The following AKT2 variants were observed in gnomAD, a reference collection of about 807,000 sequenced individuals.
The protein encoded by AKT2 is RAC-beta serine/threonine-protein kinase.
In AKT2, 16 loss-of-function variants were observed where a neutral mutation model predicts 58.6. That is an observed-to-expected ratio of 0.27 (90% confidence interval 0.18 to 0.41). The LOEUF (loss-of-function observed/expected upper bound fraction) is 0.41, where lower values mean the gene tolerates loss of function less well. AKT2 is among the 10% of genes least tolerant of loss of function. The pLI is 1.00. For missense variants in AKT2, 438 were observed against 661.0 expected (o/e 0.66, Z 3.70); for synonymous variants, 253 against 254.0 (o/e 1.00, Z 0.04).
chr19:40,238,760 G>T lies in AKT2; in HGVS notation c.708+145C>A. The T allele has an allele frequency of 2.3e-6, 2 of 862,748 alleles. No individual in the cohort carries two copies. Among genetic ancestry groups the T allele is most frequent in the Non-Finnish European group, 1.9e-6 (1 of 530,432 alleles). The allele number at this position is 862,748 out of a possible 1,614,324, so 53.4% of individuals were successfully genotyped here. A position where few individuals can be genotyped will look rare whatever the true frequency, so the allele number is the denominator to read the frequency against. On this transcript the variant is annotated intron_variant, in intron 8 of 13. Transcript: ENST00000392038. The surrounding 1 kb of genome is among the most constrained non-coding windows in gnomAD (Gnocchi z 5.1). ...GTGACTGCCCCCCCAAAATGGAGAC[G>T]AAGCCGCCTGCCTCAAGGGAGAGGG...
chr19:40,252,742 T>C (rs944458465), intron 4 of AKT2, among the ~76,000 whole-genome samples: 5 of 152,198 alleles, frequency 3.3e-5, no homozygotes, highest in African/African-American at 1.2e-4. Flanking sequence ...CTATTTCACC[T>C]CCAGGTCTTT....
intron 2 of AKT2, among the ~76,000 whole-genome samples, chr19:40,258,256 A>C (rs990609741): frequency 4.3e-4 from 65 of 151,038 alleles, no homozygotes; most frequent in African/African-American, 1.1e-3. Context: ...AAAAAAAAAA[A>C]AAAAAAACAA....
In AKT2 at chr19:40,242,355, C is replaced by G; in HGVS notation, c.441+179G>C. Reference sequence around the variant, plus strand: ...GGGTCCACCCAAGGTTGCTCCCTCCCCTACGGGCATGGAGCACACCCTAGG... The same window carrying G: ...GGGTCCACCCAAGGTTGCTCCCTCCGCTACGGGCATGGAGCACACCCTAGG... On this transcript the variant is annotated intron_variant, in intron 5 of 13. Transcript: ENST00000392038. The surrounding 1 kb of genome is among the most constrained non-coding windows in gnomAD (Gnocchi z 4.3). 1 of 1,062,292 alleles carries G rather than the reference C, an allele frequency of 9.4e-7. No homozygotes were observed. Among genetic ancestry groups the G allele is most frequent in the Non-Finnish European group, 1.4e-6 (1 of 709,034 alleles). 65.8% of individuals were successfully genotyped at this position (1,062,292 alleles called of 1,614,324 possible).
At chr19:40,284,149 A>C (rs1263805486) in intron 1 of AKT2, among the ~76,000 whole-genome samples, 1 of 152,098 alleles carries the variant, frequency 6.6e-6, no homozygotes, top group Non-Finnish European at 1.5e-5. Context: ...GAGGTCTCCA[A>C]ATGAGAGGAA....
intron 3 of AKT2, 40 bp from the exon 4 acceptor site, chr19:40,255,309 T>C (rs1166142246): frequency 3.3e-6 from 5 of 1,529,538 alleles, no homozygotes; most frequent in Non-Finnish European, 4.5e-6. Context: ...GCTGAGGGGA[T>C]AGCCCTGCTA....
chr19:40,234,545 C>A lies in AKT2; in HGVS notation c.1366+500G>T. ...TTCCTCCGGCCAGCTGACACGTTTGCTTCCTCCTCTAGAAAGCCCTCCCTA... is the reference window on the plus strand; with the variant it reads ...TTCCTCCGGCCAGCTGACACGTTTGATTCCTCCTCTAGAAAGCCCTCCCTA... On this transcript the variant is annotated intron_variant, in intron 13 of 13. Transcript: ENST00000392038. The surrounding 1 kb of genome is among the most constrained non-coding windows in gnomAD (Gnocchi z 4.7). 1 of 327,394 alleles carries A rather than the reference C, an allele frequency of 3.1e-6. No homozygotes were observed. Among genetic ancestry groups the A allele is most frequent in the Non-Finnish European group, 5.6e-6 (1 of 178,360 alleles). The allele number at this position is 327,394 out of a possible 1,614,324, so 20.3% of individuals were successfully genotyped here.
chr19:40,248,422 T>C (rs1035543555), intron 4 of AKT2, among the ~76,000 whole-genome samples: 3 of 152,142 alleles, frequency 2.0e-5, no homozygotes, highest in African/African-American at 7.2e-5. Flanking sequence ...GACAAGTGTG[T>C]AGAAGCTCCA....
Position 40,234,131 on chromosome 19 carries a change from G to A in AKT2, c.1367-180C>T, listed in dbSNP as rs891953185. ...GACCCACTCCCCAAACCTGAGCCCC[G>A]GGCGGCCTCCTCTGGGAGTTTCCTG... is the stretch of plus-strand genomic sequence containing the variant. On this transcript the variant is annotated intron_variant, in intron 13 of 13. Coordinates refer to ENST00000392038, the MANE Select transcript of AKT2 (RefSeq NM_001626.6). The surrounding 1 kb of genome is among the most constrained non-coding windows in gnomAD (Gnocchi z 4.7). 4.6e-5 allele frequency among the ~76,000 whole-genome samples: 7 copies of A among 152,132 alleles called. No homozygotes were observed. Among genetic ancestry groups the A allele is most frequent in the Non-Finnish European group, 7.4e-5 (5 of 67,986 alleles).
At chr19:40,264,580 C>A (rs1976201726) in intron 2 of AKT2, among the ~76,000 whole-genome samples, 1 of 152,140 alleles carries the variant, frequency 6.6e-6, no homozygotes, top group African/African-American at 2.4e-5. Context: ...CAGAAAACAC[C>A]AGGCACATCC....
intron 9 of AKT2, chr19:40,236,588 T>C (rs1974044648): frequency 1.5e-6 from 1 of 653,262 alleles, no homozygotes; most frequent in South Asian, 1.8e-5. Context: ...ACCCCCATGG[T>C]ACCTGGGAAC....
At chr19:40,239,525 T>G (rs1260195566) in intron 7 of AKT2, 2 of 324,652 alleles carry the variant, frequency 6.2e-6, no homozygotes, top group Non-Finnish European at 1.2e-5. Flanking sequence ...GTACTGTGGC[T>G]TAATAGGATA....
At position 40,240,126 on chromosome 19, in the gene AKT2, G is replaced by C. The variant is rs536203851; in HGVS notation, c.574-16C>G. On this transcript the variant is annotated splice_polypyrimidine_tract_variant and intron_variant, in intron 6 of 13. Transcript: ENST00000392038. ...CGACTTCATCCTGCAGACAGACTGC[G>C]GGTGAGGGGCTGGTGGGCAACACCA... 72 of 1,613,650 alleles carry C rather than the reference G, an allele frequency of 4.5e-5. No individual in the cohort carries two copies. The highest frequency in any genetic ancestry group is 1.7e-4 in the Admixed American group (10 of 60,000).
In AKT2 at chr19:40,233,512, G is replaced by A. The variant is rs956251726; in HGVS notation, c.*360C>T. On this transcript the variant is annotated 3_prime_UTR_variant, in exon 14 of 14. Coordinates refer to ENST00000392038, the MANE Select transcript of AKT2 (RefSeq NM_001626.6). The surrounding 1 kb of genome is among the most constrained non-coding windows in gnomAD (Gnocchi z 4.3). ...TTCGTCCAGATGCAGCAGCGCGGAG[G>A]CAGACACCAGCACGACACCCAGGCC... 9.8e-6 allele frequency: 6 copies of A among 612,264 alleles called. No individual in the cohort carries two copies. In the Admixed American group the frequency reaches 1.1e-4, roughly 12 times the overall value. 37.9% of individuals were successfully genotyped at this position (612,264 alleles called of 1,614,324 possible). A position where few individuals can be genotyped will look rare whatever the true frequency, so the allele number is the denominator to read the frequency against.
chr19:40,266,702 T>C lies in AKT2; in HGVS notation c.-84-1351A>G, dbSNP rs139043897. On this transcript the variant is annotated intron_variant, in intron 1 of 13. Transcript: ENST00000392038. ...GCTCATGTCTGTAATCCCAACACTT[T>C]GGGAGGTCAAAGCAGGAGAATCCCT... 9.4e-3 allele frequency among the ~76,000 whole-genome samples: 1,425 copies of C among 152,240 alleles called. 25 individuals are homozygous for C. Among genetic ancestry groups the C allele is most frequent in the African/African-American group, 0.033 (1,366 of 41,532 alleles).
chr19:40,245,918 G>A (rs555960661), intron 4 of AKT2, among the ~76,000 whole-genome samples: 5 of 152,130 alleles, frequency 3.3e-5, no homozygotes, highest in South Asian at 4.1e-4. Context: ...GTGCAGACCC[G>A]GGCAGAGCAC....
At chr19:40,252,543 G>A (rs944406181) in intron 4 of AKT2, among the ~76,000 whole-genome samples, 2 of 152,130 alleles carry the variant, frequency 1.3e-5, no homozygotes, top group African/African-American at 4.8e-5. Flanking sequence ...CCCCTGCATC[G>A]TGTAACTACC....
In AKT2 at chr19:40,237,670, T is replaced by C; in HGVS notation, c.831+299A>G. On this transcript the variant is annotated intron_variant, in intron 9 of 13. Coordinates refer to ENST00000392038, the MANE Select transcript of AKT2 (RefSeq NM_001626.6). The surrounding 1 kb of genome is among the most constrained non-coding windows in gnomAD (Gnocchi z 4.5). ...TAAATAAATACAAATAAAGTAGGTA[T>C]TGTGGCAGTTGACACTCCGCTAGTG... 1 of 394,220 alleles carries C rather than the reference T, an allele frequency of 2.5e-6. No homozygotes were observed. Among genetic ancestry groups the C allele is most frequent in the Non-Finnish European group, 4.8e-6 (1 of 208,862 alleles). The allele number at this position is 394,220 out of a possible 1,614,324, so 24.4% of individuals were successfully genotyped here.
chr19:40,259,094 C>T (rs113256533), intron 2 of AKT2, among the ~76,000 whole-genome samples: 1 of 152,064 alleles, frequency 6.6e-6, no homozygotes, highest in African/African-American at 2.4e-5. Flanking sequence ...AAAAAATAAA[C>T]CCAAATATCT....
chr19:40,278,372 T>G (rs1359554789), intron 1 of AKT2, among the ~76,000 whole-genome samples: 1 of 152,072 alleles, frequency 6.6e-6, no homozygotes, highest in Non-Finnish European at 1.5e-5. Context: ...GCAGACACCT[T>G]AAGCTCTGCA....
Sources: allele counts gnomAD v4.1 joint callset (sites outside exome capture counted in the v4.1 genomes callset), GRCh38; gene constraint gnomAD v4.1.1; non-coding constraint Gnocchi (gnomAD v3.1); transcripts MANE v1.5; gene names NCBI Gene and HGNC (gene_info 2026-07-23, HGNC 2026-07-21).